The following OTOGL variants were observed in gnomAD, a reference collection of about 807,000 sequenced individuals.
OTOGL encodes otogelin like, also known as otogelin-like protein.
OTOGL carries 285 observed loss-of-function variants against 318.5 expected under a neutral mutation model. That is an observed-to-expected ratio of 0.89 (90% CI 0.81 to 0.99). OTOGL has a LOEUF of 0.99. OTOGL is among the 50% of genes least tolerant of loss of function. The pLI is 0.00. For missense variants in OTOGL, 2,899 were observed against 2,845.6 expected (o/e 1.02, Z -0.43); for synonymous variants, 987 against 936.5 (o/e 1.05, Z -0.99).
intron 1 of OTOGL, among the ~76,000 whole-genome samples, chr12:80,179,912 C>T (rs540851923): frequency 6.6e-6 from 1 of 152,324 alleles, no homozygotes; most frequent in African/African-American, 2.4e-5. Flanking sequence ...TAGCCAAACA[C>T]TCCGTGAGAG....
At chr12:80,157,174 A>G (rs1343407937) in intron 1 of OTOGL, among the ~76,000 whole-genome samples, 4 of 152,074 alleles carry the variant, frequency 2.6e-5, no homozygotes, top group Admixed American at 6.6e-5. Context: ...TTTGATTTGC[A>G]TTCCTCTGAT....
In OTOGL at chr12:80,150,937, AAAT is replaced by A. The variant is rs144747283; in HGVS notation, c.-20+51337_-20+51339del. The stretch of plus-strand genomic sequence containing the variant: ...AATAAATTACAATGGAAAAAGGACA[AAAT>A]AATATTTGATTTTGGCAATTTGTTC... On this transcript the variant is annotated intron_variant, in intron 1 of 58. Coordinates refer to ENST00000547103, the MANE Select transcript of OTOGL (RefSeq NM_001378609.3). Among the ~76,000 whole-genome samples the A allele has an allele frequency of 7.0e-3, 1,063 of 152,340 alleles. 33 individuals carry two copies. The South Asian group carries it at 0.11, about 15-fold the overall frequency.
chr12:80,259,636 G>T (rs922737979), intron 18 of OTOGL, among the ~76,000 whole-genome samples: 9 of 151,882 alleles, frequency 5.9e-5, no homozygotes, highest in Admixed American at 5.9e-4. Flanking sequence ...TGCGGTGATT[G>T]GTTTTCCGTT....
intron 11 of OTOGL, among the ~76,000 whole-genome samples, chr12:80,248,753 A>G (rs1881166669): frequency 1.3e-5 from 2 of 149,168 alleles, no homozygotes; most frequent in Non-Finnish European, 3.0e-5. Context: ...AATATCCTGC[A>G]GAGTGTTTTC....
intron 1 of OTOGL, among the ~76,000 whole-genome samples, chr12:80,123,672 C>T (rs7307674): frequency 0.64 from 96,634 of 150,904 alleles, 31,698 homozygotes; most frequent in African/African-American, 0.78. Flanking sequence ...AAAGTGTTCC[C>T]ATTTCTCCAC....
At chr12:80,360,442 C>T (rs1890171426) in intron 52 of OTOGL, among the ~76,000 whole-genome samples, 1 of 110,318 alleles carries the variant, frequency 9.1e-6, no homozygotes, top group Non-Finnish European at 1.8e-5. Flanking sequence ...TCTCCCCCTC[C>T]CCCCCCTCGC....
chr12:80,351,657 C>A (rs927444815), intron 44 of OTOGL, among the ~76,000 whole-genome samples: 12 of 152,164 alleles, frequency 7.9e-5, no homozygotes, highest in African/African-American at 2.9e-4. Context: ...ATACTTTGGC[C>A]TGTGTCAGAA....
intron 9 of OTOGL, among the ~76,000 whole-genome samples, chr12:80,238,539 G>A (rs1490474486): frequency 6.6e-6 from 1 of 152,020 alleles, no homozygotes; most frequent in East Asian, 1.9e-4. Flanking sequence ...AGCACTGATT[G>A]AACATTGGCG....
intron 26 of OTOGL, among the ~76,000 whole-genome samples, chr12:80,286,108 T>C (rs1452200016): frequency 6.6e-6 from 1 of 152,216 alleles, no homozygotes; most frequent in Non-Finnish European, 1.5e-5. Flanking sequence ...TTGAAGGCCT[T>C]TTCTGCATCT....
chr12:80,272,296 A>T (rs1883467506), intron 24 of OTOGL, among the ~76,000 whole-genome samples: 1 of 150,882 alleles, frequency 6.6e-6, no homozygotes, highest in Non-Finnish European at 1.5e-5. Flanking sequence ...CTGTTAGTGG[A>T]GTGATTTTTC....
intron 43 of OTOGL, 30 bp downstream of exon 43, chr12:80,339,294 G>GTTT: frequency 3.5e-6 from 2 of 578,532 alleles, no homozygotes; most frequent in Non-Finnish European, 5.0e-6. Context: ...TCTTGATTTC[G>GTTT]TCTGTTTTTT....
At chr12:80,338,916 CT>C (rs1196016306) in intron 42 of OTOGL, among the ~76,000 whole-genome samples, 158 bp from the exon 43 acceptor site, 1 of 151,856 alleles carries the variant, frequency 6.6e-6, no homozygotes, top group East Asian at 1.9e-4. Flanking sequence ...AATAAAATAG[CT>C]TAAAGGTTCT....
rs771284317 is a variant in OTOGL, at chr12:80,233,082, T to A, written c.802T>A (p.Phe268Ile). 6 of 1,593,692 alleles carry A rather than the reference T, an allele frequency of 3.8e-6. No individual in the cohort carries two copies. Among genetic ancestry groups the A allele is most frequent in the Non-Finnish European group, 4.3e-6 (5 of 1,174,722 alleles). Reference sequence around the variant, plus strand: ...CTACAATGACATTCAATCTGATGATTTCATAATTCTGCAAGGTAAGTGAAG... The same window carrying A: ...CTACAATGACATTCAATCTGATGATATCATAATTCTGCAAGGTAAGTGAAG... Reference protein sequence around the residue: ...GNYNDIQSDDFIILQEDYTED... With the variant: ...GNYNDIQSDDIIILQEDYTED... Residue 268 changes from phenylalanine to isoleucine, a missense_variant, in exon 9 of 59, where the codon TTC (phenylalanine) becomes ATC (isoleucine). By Grantham distance (21) the Phe-to-Ile change is conservative. Around this residue, in one of 3 missense-constraint regions of OTOGL, gnomAD observed 2,607 missense variants for 2,524.9 expected, o/e 1.03. Coordinates refer to ENST00000547103, the MANE Select transcript of OTOGL (RefSeq NM_001378609.3).
chr12:80,313,333 G>A (rs1372589981), intron 30 of OTOGL, 143 bp from the exon 31 acceptor site: 4 of 688,184 alleles, frequency 5.8e-6, no homozygotes, highest in Non-Finnish European at 9.6e-6. Flanking sequence ...GCAATAAAGA[G>A]GCTTTAAATA....
intron 26 of OTOGL, among the ~76,000 whole-genome samples, chr12:80,282,944 G>A (rs1392888835): frequency 1.3e-5 from 2 of 151,908 alleles, no homozygotes; most frequent in African/African-American, 4.8e-5. Context: ...TCAGAGCAAG[G>A]ACCAAGTCTT....
Position 80,246,236 on chromosome 12 carries a change from G to A in OTOGL, c.1053-5457G>A, listed in dbSNP as rs555923642. On this transcript the variant is annotated intron_variant, in intron 11 of 58. Coordinates refer to ENST00000547103, the MANE Select transcript of OTOGL (RefSeq NM_001378609.3). ...CGGTGAGAGAGAGCATCCCTGTCTT[G>A]TGCCGGTTTTCAAAGGGAATGCTTC... Among the ~76,000 whole-genome samples the A allele has an allele frequency of 3.3e-5, 5 of 149,394 alleles. No individual in the cohort carries two copies. The South Asian group carries it at 1.0e-3, about 31-fold the overall frequency.
chr12:80,190,680 G>A (rs1250342329), intron 1 of OTOGL, among the ~76,000 whole-genome samples: 2 of 151,356 alleles, frequency 1.3e-5, no homozygotes, highest in South Asian at 2.1e-4. Context: ...CCAGCTACTC[G>A]GAAGGCTGAG....
Position 80,256,401 on chromosome 12 carries a change from T to A in OTOGL, c.1652T>A (p.Val551Glu). The change falls in exon 17 of 59, where the codon GTG becomes GAG. Residue 551 changes from valine (V) to glutamate (E), a missense_variant. Val to Glu is a moderately radical substitution (Grantham distance 121). This residue lies in a region of OTOGL where 2,607 missense variants were observed against 2,524.9 expected (regional missense o/e 1.03). Transcript: ENST00000547103. ...LILEDDFNKQ[V>E]TLGRGGQILT... ...CTGGAGGATGATTTTAACAAACAAG[T>A]GACCCTTGGTAGGGGAGGACAAATT... is the stretch of plus-strand genomic sequence containing the variant. 5.0e-6 allele frequency: 8 copies of A among 1,593,826 alleles called. No homozygotes were observed. The highest frequency in any genetic ancestry group is 6.8e-6 in the Non-Finnish European group (8 of 1,176,710).
chr12:80,350,579 T>C (rs1889481243), intron 44 of OTOGL, among the ~76,000 whole-genome samples: 1 of 152,218 alleles, frequency 6.6e-6, no homozygotes, highest in Non-Finnish European at 1.5e-5. Context: ...ATTTTCTGTC[T>C]TTTTGATAAT....
Sources: gnomAD v4.1 joint callset for allele counts (sites outside exome capture counted in the v4.1 genomes callset) on GRCh38, gnomAD v4.1.1 for gene constraint, gnomAD v4.1.1 regional missense constraint, MANE v1.5 for transcripts, NCBI Gene and HGNC (gene_info 2026-07-23, HGNC 2026-07-21) for gene names.